OR5D3: variants seen among roughly 807,000 people sequenced by gnomAD.
OR5D3 encodes the protein olfactory receptor family 5 subfamily D member 3.
the OR5D3 span, among the ~76,000 whole-genome samples, chr11:55,724,807 G>A: frequency 2.0e-5 from 3 of 151,980 alleles, no homozygotes; most frequent in African/African-American, 7.3e-5. Context: ...TCATAATCTA[G>A]TTTTATAGTG....
chr11:55,724,871 T>C, the OR5D3 span, among the ~76,000 whole-genome samples: 16 of 152,140 alleles, frequency 1.1e-4, no homozygotes, highest in African/African-American at 3.6e-4. Flanking sequence ...ATTGGTCCTT[T>C]TGGAAGATAT....
chr11:55,725,752 A>C, the OR5D3 span, among the ~76,000 whole-genome samples: 1 of 152,070 alleles, frequency 6.6e-6, no homozygotes, highest in Non-Finnish European at 1.5e-5. Context: ...ATAAACTGTT[A>C]AATTTACCAT....
chr11:55,727,218 C>G, the OR5D3 span: 26 of 397,340 alleles, frequency 6.5e-5, no homozygotes, highest in Non-Finnish European at 1.2e-4. Flanking sequence ...AATAACTAGT[C>G]ATTGCATGAA....
the OR5D3 span, chr11:55,727,903 T>C: frequency 1.3e-5 from 2 of 152,074 alleles, no homozygotes; most frequent in Non-Finnish European, 2.9e-5. Context: ...GATAGTACAA[T>C]ATAACAACCA....
At chr11:55,725,264 A>ACATTTTACC in the OR5D3 span, among the ~76,000 whole-genome samples, 3 of 152,040 alleles carry the variant, frequency 2.0e-5, no homozygotes, top group Non-Finnish European at 4.4e-5. Context: ...ATATATTATC[A>ACATTTTACC]CATTTTACCA....
the OR5D3 span, among the ~76,000 whole-genome samples, chr11:55,725,235 T>C: frequency 6.6e-6 from 1 of 152,202 alleles, no homozygotes; most frequent in East Asian, 1.9e-4. Flanking sequence ...ATTCTACTGA[T>C]TTAAATTTTA....
the OR5D3 span, among the ~76,000 whole-genome samples, chr11:55,725,399 A>G: frequency 6.6e-6 from 1 of 151,982 alleles, no homozygotes; most frequent in African/African-American, 2.4e-5. Flanking sequence ...ACAGAATGCA[A>G]TTTTCCTAAA....
At chr11:55,726,484 A>T in the OR5D3 span, 1 of 451,870 alleles carries the variant, frequency 2.2e-6, no homozygotes, top group African/African-American at 2.0e-5. Flanking sequence ...GGAAGACAGA[A>T]TCATCTCCTT....
At chr11:55,728,862 T>C in the OR5D3 span, 2 of 152,112 alleles carry the variant, frequency 1.3e-5, no homozygotes, top group Admixed American at 1.3e-4. Flanking sequence ...TCTAGTCGAG[T>C]ATTTTTAAAG....
At chr11:55,727,028 A>G in the OR5D3 span, 1 of 402,524 alleles carries the variant, frequency 2.5e-6, no homozygotes, top group East Asian at 3.5e-5. Context: ...CTCATGGTCA[A>G]GGTGGCCTCT....
the OR5D3 span, chr11:55,727,154 T>G: frequency 1.8e-5 from 7 of 398,702 alleles, no homozygotes; most frequent in Non-Finnish European, 3.1e-5. Context: ...TGTCATAAAA[T>G]GTAATGCTAG....
chr11:55,725,405 C>T, the OR5D3 span, among the ~76,000 whole-genome samples: 1 of 151,966 alleles, frequency 6.6e-6, no homozygotes, highest in African/African-American at 2.4e-5. Context: ...TGCAATTTTC[C>T]TAAAAACTAA....
chr11:55,725,347 T>C, the OR5D3 span, among the ~76,000 whole-genome samples: 1 of 152,092 alleles, frequency 6.6e-6, no homozygotes, highest in African/African-American at 2.4e-5. Flanking sequence ...TGGGTCTTCC[T>C]GACACTTATT....
chr11:55,729,375 C>CT, the OR5D3 span: 10 of 151,776 alleles, frequency 6.6e-5, no homozygotes, highest in African/African-American at 2.4e-4. Context: ...ATAAATGTGA[C>CT]TTTTTTCCCA....
the OR5D3 span, chr11:55,724,204 C>G: frequency 3.3e-3 from 1,260 of 385,972 alleles, 59 homozygotes; most frequent in East Asian, 0.037. Context: ...GTTGTTATAT[C>G]CTGATTCCTT....
chr11:55,728,659 C>T, the OR5D3 span: 4 of 152,072 alleles, frequency 2.6e-5, no homozygotes, highest in African/African-American at 9.7e-5. Flanking sequence ...CTTGTTTCCC[C>T]TCAAGGTTTA....
chr11:55,726,011 C>A, the OR5D3 span, among the ~76,000 whole-genome samples: 2 of 151,896 alleles, frequency 1.3e-5, no homozygotes, highest in Non-Finnish European at 1.5e-5. Context: ...TTTTATTATT[C>A]CATTCACAAA....
At chr11:55,729,376 T>A in the OR5D3 span, 15 of 151,952 alleles carry the variant, frequency 9.9e-5, no homozygotes, top group Non-Finnish European at 2.2e-4. Context: ...TAAATGTGAC[T>A]TTTTTCCCAT....
At chr11:55,729,392 G>A in the OR5D3 span, 1 of 151,842 alleles carries the variant, frequency 6.6e-6, no homozygotes, top group Non-Finnish European at 1.5e-5. Context: ...CCCATGGAGG[G>A]CTGTGGCAGG....
Sources: gnomAD v4.1 joint callset for allele counts (sites outside exome capture counted in the v4.1 genomes callset) on GRCh38, gnomAD v4.1.1 for gene constraint, MANE v1.5 for transcripts, NCBI Gene and HGNC (gene_info 2026-07-23, HGNC 2026-07-21) for gene names.